The following SMYD3 variants were observed in gnomAD, a reference collection of about 807,000 sequenced individuals.
SMYD3 encodes histone-lysine N-methyltransferase SMYD3.
In SMYD3, 36 loss-of-function variants were observed where a neutral mutation model predicts 57.7. That is an observed-to-expected ratio of 0.62 (90% confidence interval 0.48 to 0.82). SMYD3 has a LOEUF of 0.82. SMYD3 is among the 40% of genes least tolerant of loss of function. The probability of loss-of-function intolerance (pLI) is 0.00; values close to 1 mark genes in which losing one functional copy is unlikely to be tolerated. For missense variants in SMYD3, 515 were observed against 538.8 expected, an observed-to-expected ratio of 0.96 and a Z score of 0.44; for synonymous variants, 211 against 195.0, an observed-to-expected ratio of 1.08 and a Z score of -0.68.
intron 5 of SMYD3, among the ~76,000 whole-genome samples, chr1:246,281,118 A>G (rs932350359): frequency 6.6e-6 from 1 of 152,186 alleles, no homozygotes; most frequent in South Asian, 2.1e-4. Context: ...AGGTACTTAC[A>G]GGCATTTATG....
chr1:246,362,284 G>A (rs1339470127), intron 1 of SMYD3, among the ~76,000 whole-genome samples: 1 of 152,044 alleles, frequency 6.6e-6, no homozygotes, highest in East Asian at 1.9e-4. Context: ...CCTGAGAAAT[G>A]GTTTTAAAAT....
chr1:246,160,302 C>A (rs2062095189), intron 5 of SMYD3, among the ~76,000 whole-genome samples: 1 of 152,100 alleles, frequency 6.6e-6, no homozygotes, highest in South Asian at 2.1e-4. Flanking sequence ...TCTTTCTTTG[C>A]CTACCTAATA....
At chr1:245,905,359 T>A (rs10802294) in intron 8 of SMYD3, among the ~76,000 whole-genome samples, 2 of 152,078 alleles carry the variant, frequency 1.3e-5, no homozygotes, top group East Asian at 1.9e-4. Context: ...CTCCCCTGAC[T>A]AGAGTCCCAA....
At chr1:245,988,085 A>G (rs1232512147) in intron 5 of SMYD3, among the ~76,000 whole-genome samples, 2 of 147,950 alleles carry the variant, frequency 1.4e-5, no homozygotes, top group South Asian at 2.2e-4. Flanking sequence ...GCTTTACGTT[A>G]TTAAACAGAC....
intron 8 of SMYD3, among the ~76,000 whole-genome samples, chr1:245,872,047 A>G (rs1449344475): frequency 6.6e-6 from 1 of 152,136 alleles, no homozygotes; most frequent in Non-Finnish European, 1.5e-5. Context: ...AAACCACACC[A>G]AACAGCCTCT....
At chr1:246,459,035 G>C (rs2067750852) in intron 1 of SMYD3, among the ~76,000 whole-genome samples, 1 of 152,118 alleles carries the variant, frequency 6.6e-6, no homozygotes, top group African/African-American at 2.4e-5. Flanking sequence ...TAATCCCCGT[G>C]TGTTGAAGGA....
chr1:246,142,164 A>G (rs2061767648), intron 5 of SMYD3, among the ~76,000 whole-genome samples: 1 of 152,200 alleles, frequency 6.6e-6, no homozygotes, highest in African/African-American at 2.4e-5. Flanking sequence ...CTGAAACCAC[A>G]GATAGTACTG....
At chr1:246,115,456 C>G (rs1205232629) in intron 5 of SMYD3, among the ~76,000 whole-genome samples, 1 of 152,172 alleles carries the variant, frequency 6.6e-6, no homozygotes, top group Non-Finnish European at 1.5e-5. Context: ...CTAAATAAAA[C>G]TGTTTCCAAA....
At chr1:246,247,477 A>ATACACGTATATATGTACATATATGTG (rs2063726434) in intron 5 of SMYD3, among the ~76,000 whole-genome samples, 1 of 144,762 alleles carries the variant, frequency 6.9e-6, no homozygotes, top group African/African-American at 2.6e-5. Flanking sequence ...ATATATATAT[A>ATACACGTATATATGTACATATATGTG]TATATATATT....
At position 246,247,175 on chromosome 1, in the gene SMYD3, A is replaced by T. The variant is rs546358326; in HGVS notation, c.531+80026T>A. 3.6e-4 allele frequency among the ~76,000 whole-genome samples: 55 copies of T among 152,206 alleles called. 1 individual carries two copies. Among genetic ancestry groups the T allele is most frequent in the Admixed American group, 2.3e-3 (35 of 15,282 alleles). ...ACTGAGACCCAGAGGAACCACAATGAAAAATTAGCTGCTCAGTATAACGAA... is the reference window on the plus strand; with the variant it reads ...ACTGAGACCCAGAGGAACCACAATGTAAAATTAGCTGCTCAGTATAACGAA... On this transcript the variant is annotated intron_variant, in intron 5 of 11. Coordinates refer to ENST00000490107, the MANE Select transcript of SMYD3 (RefSeq NM_001167740.2).
At chr1:245,854,065 A>G (rs1307773190) in intron 10 of SMYD3, among the ~76,000 whole-genome samples, 1 of 152,148 alleles carries the variant, frequency 6.6e-6, no homozygotes, top group Non-Finnish European at 1.5e-5. Context: ...TCCCACCAGC[A>G]CAAAAATACT....
At chr1:246,219,997 C>A (rs1462840275) in intron 5 of SMYD3, among the ~76,000 whole-genome samples, 1 of 152,202 alleles carries the variant, frequency 6.6e-6, no homozygotes, top group Non-Finnish European at 1.5e-5. Context: ...GTAAACAGAA[C>A]ACCCCTGTTG....
At chr1:245,930,351 G>T (rs2056640188) in intron 5 of SMYD3, 3 of 354,720 alleles carry the variant, frequency 8.5e-6, no homozygotes, top group Non-Finnish European at 1.6e-5. Flanking sequence ...ATGCCACTGT[G>T]TATCTGTTCA....
intron 5 of SMYD3, among the ~76,000 whole-genome samples, chr1:246,252,395 GTTA>G (rs1290371573): frequency 1.3e-5 from 2 of 152,194 alleles, no homozygotes; most frequent in East Asian, 3.8e-4. Context: ...GATAGAAACT[GTTA>G]TTATAACCAT....
At chr1:246,442,111 A>G (rs2067479689) in intron 1 of SMYD3, among the ~76,000 whole-genome samples, 2 of 152,238 alleles carry the variant, frequency 1.3e-5, no homozygotes, top group Admixed American at 6.5e-5. Flanking sequence ...AAGTGCTACA[A>G]TGTGTAAGCG....
chr1:246,337,244 T>C (rs529026404), intron 2 of SMYD3, among the ~76,000 whole-genome samples: 1 of 152,190 alleles, frequency 6.6e-6, no homozygotes, highest in African/African-American at 2.4e-5. Flanking sequence ...TTGACCCTAC[T>C]TAGAGATTCA....
At chr1:245,909,994 C>A (rs2054853727) in intron 8 of SMYD3, among the ~76,000 whole-genome samples, 1 of 152,050 alleles carries the variant, frequency 6.6e-6, no homozygotes, top group African/African-American at 2.4e-5. Context: ...AATTAAAGGG[C>A]ATTCAAATTA....
At chr1:246,201,928 GC>G (rs1343711535) in intron 5 of SMYD3, among the ~76,000 whole-genome samples, 41 of 151,414 alleles carry the variant, frequency 2.7e-4, no homozygotes, top group African/African-American at 1.0e-3. Flanking sequence ...CAGGAGAATC[GC>G]TTGCACCCGG....
chr1:246,439,147 A>G (rs1474610952), intron 1 of SMYD3, among the ~76,000 whole-genome samples: 1 of 149,820 alleles, frequency 6.7e-6, no homozygotes, highest in Non-Finnish European at 1.5e-5. Flanking sequence ...TTTTTTTAAG[A>G]GACAAGGTCT....
Sources: gnomAD v4.1 joint callset for allele counts (sites outside exome capture counted in the v4.1 genomes callset) on GRCh38, gnomAD v4.1.1 for gene constraint, MANE v1.5 for transcripts, NCBI Gene and HGNC (gene_info 2026-07-23, HGNC 2026-07-21) for gene names.